The following MYO16 variants were observed in gnomAD, a reference collection of about 807,000 sequenced individuals.
MYO16 encodes the protein myosin XVI.
Under a neutral mutation model 205.3 loss-of-function variants are expected in MYO16, and 94 were observed. The ratio of observed to expected loss-of-function variants is 0.46; its 90% CI spans 0.39 to 0.54. The LOEUF is 0.54. MYO16 is among the 20% of genes least tolerant of loss of function. MYO16 has a pLI of 0.00. For missense variants in MYO16, 2,315 were observed against 2,387.5 expected (o/e 0.97, Z 0.63); for synonymous variants, 988 against 954.0 (o/e 1.04, Z -0.66).
At chr13:108,952,760 A>G (rs1333070018) in intron 16 of MYO16, among the ~76,000 whole-genome samples, 1 of 152,228 alleles carries the variant, frequency 6.6e-6, no homozygotes, top group Admixed American at 6.5e-5. Flanking sequence ...ACATGGAGAT[A>G]TCTAGATACT....
intron 4 of MYO16, among the ~76,000 whole-genome samples, chr13:108,752,806 T>C (rs1214545724): frequency 1.4e-5 from 1 of 69,618 alleles, no homozygotes; most frequent in Non-Finnish European, 3.1e-5. Flanking sequence ...CGTGCCCAGC[T>C]AATTTTTTTT....
At chr13:108,752,723 C>T (rs1017312400) in intron 4 of MYO16, among the ~76,000 whole-genome samples, 7 of 149,434 alleles carry the variant, frequency 4.7e-5, no homozygotes, top group African/African-American at 1.7e-4. Flanking sequence ...CTCACTGCAA[C>T]CTCTGCCGCC....
intron 4 of MYO16, among the ~76,000 whole-genome samples, chr13:108,777,255 G>A (rs1305439300): frequency 3.9e-5 from 6 of 152,072 alleles, no homozygotes; most frequent in Non-Finnish European, 7.3e-5. Context: ...CACGACATAG[G>A]TACTAGCCAG....
chr13:108,886,487 C>T (rs1366877680), intron 13 of MYO16: 7 of 455,898 alleles, frequency 1.5e-5, no homozygotes, highest in African/African-American at 8.0e-5. Context: ...ATTTATTATG[C>T]GAAAGGGAAG....
chr13:108,918,277 A>C (rs1881590076), intron 16 of MYO16, among the ~76,000 whole-genome samples: 1 of 152,262 alleles, frequency 6.6e-6, no homozygotes, highest in Admixed American at 6.5e-5. Flanking sequence ...CAACGTCATT[A>C]AGATGGTGTA....
chr13:108,637,070 C>A (rs1312360003), intron 1 of MYO16, among the ~76,000 whole-genome samples: 2 of 152,174 alleles, frequency 1.3e-5, no homozygotes, highest in Non-Finnish European at 2.9e-5. Flanking sequence ...GCCTCCCTCT[C>A]TATATATGTA....
chr13:109,055,984 A>T lies in MYO16; in HGVS notation c.3335+389A>T. The T allele has an allele frequency of 6.1e-6, 1 of 164,320 alleles. No individual in the cohort carries two copies. The highest frequency in any genetic ancestry group is 1.3e-5 in the Non-Finnish European group (1 of 74,728). The allele number at this position is 164,320 out of a possible 1,614,324, so 10.2% of individuals were successfully genotyped here. On this transcript the variant is annotated intron_variant, in intron 27 of 34. Coordinates refer to ENST00000457511, the MANE Select transcript of MYO16 (RefSeq NM_001198950.3). This position sits in a 1 kb window ranked among gnomAD's most constrained non-coding sequence, Gnocchi z 5.0. ...TATTATTTAGATCAGTGGTTGGCAA[A>T]CTACACTCATGGGCCAGCCAAATCC... is the stretch of plus-strand genomic sequence containing the variant.
intron 17 of MYO16, among the ~76,000 whole-genome samples, chr13:108,960,849 T>TA (rs1883554426): frequency 6.6e-6 from 1 of 152,370 alleles, no homozygotes; most frequent in East Asian, 1.9e-4. Context: ...TCATTTTTTT[T>TA]ATGCAGCGTT....
rs374011979 is a variant in MYO16, at chr13:108,697,947, TC to T, written c.293-14712del. On this transcript the variant is annotated intron_variant, in intron 2 of 34. Transcript: ENST00000457511. ...TATGTTGCCAAGGCTGGTCTTGAAC[TC>T]CTGGCCTCAAGTGATCCACCCGCCT... Among the ~76,000 whole-genome samples the T allele has an allele frequency of 3.0e-3, 458 of 152,304 alleles. 4 individuals carry two copies. Among genetic ancestry groups the T allele is most frequent in the African/African-American group, 0.01 (435 of 41,564 alleles).
At chr13:109,047,205 A>G (rs1353680708) in intron 24 of MYO16, among the ~76,000 whole-genome samples, 1 of 152,198 alleles carries the variant, frequency 6.6e-6, no homozygotes, top group African/African-American at 2.4e-5. Flanking sequence ...CCATAATTTA[A>G]CTAAGCTTTT....
the MYO16 span, among the ~76,000 whole-genome samples, chr13:108,496,564 A>G: frequency 4.6e-5 from 7 of 152,170 alleles, no homozygotes; most frequent in African/African-American, 1.7e-4. Context: ...GTCGAGCCTC[A>G]GCGCATCGCC....
At chr13:108,599,661 A>T (rs1029843489) in intron 1 of MYO16, among the ~76,000 whole-genome samples, 2 of 83,130 alleles carry the variant, frequency 2.4e-5, no homozygotes, top group Non-Finnish European at 5.3e-5. Flanking sequence ...CAAATGCATT[A>T]AAAAAAATAT....
chr13:108,728,109 G>A (rs897432840), intron 4 of MYO16, among the ~76,000 whole-genome samples: 2 of 151,872 alleles, frequency 1.3e-5, no homozygotes, highest in African/African-American at 4.8e-5. Context: ...ACTTTATTTT[G>A]GAATAGTGAT....
At chr13:108,526,661 T>C in the MYO16 span, among the ~76,000 whole-genome samples, 2 of 152,200 alleles carry the variant, frequency 1.3e-5, no homozygotes, top group Non-Finnish European at 1.5e-5. Flanking sequence ...ATCTCAAAAA[T>C]ACAATTTACA....
At chr13:109,128,094 A>G (rs774166708) in intron 31 of MYO16, among the ~76,000 whole-genome samples, 60 of 152,264 alleles carry the variant, frequency 3.9e-4, no homozygotes, top group Non-Finnish European at 6.0e-4. Context: ...CAGATCTCAT[A>G]GATCAGTAAT....
chr13:108,623,689 T>C (rs1371688657), intron 1 of MYO16, among the ~76,000 whole-genome samples: 2 of 152,160 alleles, frequency 1.3e-5, no homozygotes, highest in Non-Finnish European at 2.9e-5. Flanking sequence ...CACCAGAAAA[T>C]GCTTTAGAGC....
rs533962162 is a variant in MYO16, at chr13:108,830,820, GA to G, written c.1097+7549del. Among the ~76,000 whole-genome samples the G allele has an allele frequency of 4.1e-4, 63 of 151,988 alleles. No homozygotes were observed. The South Asian group carries it at 0.01, about 25-fold the overall frequency. On this transcript the variant is annotated intron_variant, in intron 9 of 34. Transcript: ENST00000457511. ...TCTTTATCTTATTTTATAAAAGCAG[GA>G]AAAAAAGTTCATTGTATTTTCTACA...
chr13:108,846,754 T>C (rs1228609632), intron 10 of MYO16, among the ~76,000 whole-genome samples: 1 of 152,124 alleles, frequency 6.6e-6, no homozygotes, highest in Non-Finnish European at 1.5e-5. Flanking sequence ...TTAAAATGTA[T>C]TTTTGTTTTT....
At chr13:108,943,950 A>G (rs1814129068) in intron 16 of MYO16, among the ~76,000 whole-genome samples, 1 of 152,260 alleles carries the variant, frequency 6.6e-6, no homozygotes, top group African/African-American at 2.4e-5. Flanking sequence ...TTCCGCAGGA[A>G]GAGATGTCCT....
Sources: gnomAD v4.1 joint callset for allele counts (sites outside exome capture counted in the v4.1 genomes callset) on GRCh38, gnomAD v4.1.1 for gene constraint, Gnocchi (gnomAD v3.1) non-coding constraint, MANE v1.5 for transcripts, NCBI Gene and HGNC (gene_info 2026-07-23, HGNC 2026-07-21) for gene names.